SLC30A7: variants seen among roughly 807,000 people sequenced by gnomAD.
The protein encoded by SLC30A7 is zinc transporter 7.
SLC30A7 carries 35 observed loss-of-function variants against 46.0 expected under a neutral mutation model. The ratio of observed to expected loss-of-function variants is 0.76; its 90% CI spans 0.58 to 1.01. The LOEUF is 1.01. Ranked by LOEUF, SLC30A7 falls within the 50% of genes least tolerant of loss-of-function variation. The pLI is 0.00. For missense variants in SLC30A7, 464 were observed against 451.1 expected (o/e 1.03, Z -0.26); for synonymous variants, 147 against 157.8 (o/e 0.93, Z 0.51).
chr1:100,899,153 A>G (rs761089493), intron 2 of SLC30A7, among the ~76,000 whole-genome samples: 1 of 152,184 alleles, frequency 6.6e-6, no homozygotes, highest in Non-Finnish European at 1.5e-5. Context: ...GCTACCTTTC[A>G]CCTTCCCACT....
At chr1:100,898,446 T>C (rs1047480323) in intron 2 of SLC30A7, among the ~76,000 whole-genome samples, 23 of 152,194 alleles carry the variant, frequency 1.5e-4, no homozygotes, top group African/African-American at 5.3e-4. Context: ...TGCTTTTCTT[T>C]ACTAGTGCAG....
In SLC30A7 at chr1:100,941,118, A is replaced by G. The variant is rs1435661692; in HGVS notation, c.842+19277A>G. ...ATTTGCCTCCACCACCATAGGGGCC[A>G]GATCTTCTGCCACCAAAGTTTCCTT... On this transcript the variant is annotated intron_variant, in intron 8 of 10. Transcript: ENST00000357650. The G allele has an allele frequency of 2.2e-4, 73 of 333,026 alleles. 1 individual carries two copies. The highest frequency in any genetic ancestry group is 3.3e-4 in the Non-Finnish European group (57 of 172,054). 20.6% of individuals were successfully genotyped at this position (333,026 alleles called of 1,614,324 possible). A position where few individuals can be genotyped will look rare whatever the true frequency, so the allele number is the denominator to read the frequency against.
At chr1:100,942,026 C>A (rs1170451547) in intron 8 of SLC30A7, 4 of 219,378 alleles carry the variant, frequency 1.8e-5, no homozygotes, top group African/African-American at 9.2e-5. Context: ...TTTAACAATG[C>A]CTCCTTGACG....
At chr1:100,899,222 A>C (rs983331997) in intron 2 of SLC30A7, among the ~76,000 whole-genome samples, 6 of 152,222 alleles carry the variant, frequency 3.9e-5, no homozygotes, top group African/African-American at 1.2e-4. Flanking sequence ...ACTTCAGTAC[A>C]TAGCACATAG....
At chr1:100,969,595 G>A (rs534142703) in intron 10 of SLC30A7, among the ~76,000 whole-genome samples, 1 of 152,202 alleles carries the variant, frequency 6.6e-6, no homozygotes, top group Non-Finnish European at 1.5e-5. Flanking sequence ...TAAAATGGCT[G>A]AAATTGAAAG....
At chr1:100,916,729 A>G in intron 6 of SLC30A7, among the ~76,000 whole-genome samples, 1 of 59,062 alleles carries the variant, frequency 1.7e-5, no homozygotes, top group South Asian at 4.6e-4. Flanking sequence ...TTTTTTTTGT[A>G]CCCATTAACC....
In SLC30A7 at chr1:100,981,297, A is replaced by T. The variant is rs1342165012; in HGVS notation, c.*6440A>T. 1 of 152,124 alleles carries T rather than the reference A, an allele frequency of 6.6e-6. No individual in the cohort carries two copies. 9.4% of individuals were successfully genotyped at this position (152,124 alleles called of 1,614,324 possible). On this transcript the variant is annotated 3_prime_UTR_variant, in exon 11 of 11. Transcript: ENST00000357650. The stretch of plus-strand genomic sequence containing the variant: ...ATTCAGTGAAATTTTTTCCCAAGTG[A>T]TATTTTCCCCCAACTTTTGTGAGTT...
At chr1:100,897,150 G>A (rs1651021306) in intron 2 of SLC30A7, among the ~76,000 whole-genome samples, 2 of 152,146 alleles carry the variant, frequency 1.3e-5, no homozygotes, top group Admixed American at 1.3e-4. Context: ...GGAGGAATAT[G>A]TGTCATTCTC....
At chr1:100,960,000 C>T (rs963067005) in intron 8 of SLC30A7, among the ~76,000 whole-genome samples, 25 of 152,090 alleles carry the variant, frequency 1.6e-4, no homozygotes, top group African/African-American at 5.3e-4. Context: ...TATTAAATCA[C>T]GAGAACTTGG....
chr1:100,995,187 A>AAG, the SLC30A7 span: 2 of 1,446,394 alleles, frequency 1.4e-6, no homozygotes, highest in Non-Finnish European at 9.7e-7. Flanking sequence ...ATTTAATTAA[A>AAG]AGCTTTATCC....
chr1:100,897,016 C>T lies in SLC30A7; in HGVS notation c.182+345C>T, dbSNP rs571996323. On this transcript the variant is annotated intron_variant, in intron 2 of 10. Coordinates refer to ENST00000357650, the MANE Select transcript of SLC30A7 (RefSeq NM_133496.5). ...GTTGGAATTGGGAGAAACTTGTTTG[C>T]TGCCTCTCTCGGGGGGGAGTGGCAT... is the stretch of plus-strand genomic sequence containing the variant. Among the ~76,000 whole-genome samples, 4 of 151,920 alleles carry T rather than the reference C, an allele frequency of 2.6e-5. No homozygotes were observed. In the South Asian group the frequency reaches 8.4e-4, roughly 32 times the overall value.
At chr1:100,922,002 G>A (rs543858661) in intron 8 of SLC30A7, among the ~76,000 whole-genome samples, 161 bp downstream of exon 8, 1 of 141,960 alleles carries the variant, frequency 7.0e-6, no homozygotes, top group East Asian at 2.0e-4. Flanking sequence ...CACCCAGGCT[G>A]GAGTGCTGTG....
At chr1:100,933,712 C>T (rs948779413) in intron 8 of SLC30A7, among the ~76,000 whole-genome samples, 1 of 152,118 alleles carries the variant, frequency 6.6e-6, no homozygotes, top group Non-Finnish European at 1.5e-5. Context: ...TGGTGGTTTC[C>T]AGCTTCATCC....
At chr1:100,984,405 A>G (rs1657152459), downstream of SLC30A7, among the ~76,000 whole-genome samples, 1 of 152,196 alleles carries the variant, frequency 6.6e-6, no homozygotes, top group African/African-American at 2.4e-5. Context: ...GAAACCACGA[A>G]AGCAATCTCA....
rs559767446 is a variant in SLC30A7 at position 100,934,319 on chromosome 1, C to T, written c.842+12478C>T. Among the ~76,000 whole-genome samples the T allele has an allele frequency of 5.3e-5, 8 of 152,194 alleles. No individual in the cohort carries two copies. In the South Asian group the frequency reaches 1.0e-3, roughly 20 times the overall value. On this transcript the variant is annotated intron_variant, in intron 8 of 10. Coordinates refer to ENST00000357650, the MANE Select transcript of SLC30A7 (RefSeq NM_133496.5). ...AAAATAAGAATTCTCAGAATATGGC[C>T]TACTTCAAGGATATAGAGACAGGAA...
intron 6 of SLC30A7, among the ~76,000 whole-genome samples, chr1:100,916,330 C>A (rs544520081): frequency 1.3e-5 from 2 of 151,898 alleles, no homozygotes; most frequent in Non-Finnish European, 2.9e-5. Flanking sequence ...GGATTACAGG[C>A]GTGTGCCACC....
Position 100,896,205 on chromosome 1 carries a change from C to T in SLC30A7, c.-58C>T. 6.6e-7 allele frequency: 1 copy of T among 1,504,396 alleles called. No individual in the cohort carries two copies. Among genetic ancestry groups the T allele is most frequent in the Non-Finnish European group, 9.3e-7 (1 of 1,080,834 alleles). The allele number at this position is 1,504,396 out of a possible 1,614,324, so 93.2% of individuals were successfully genotyped here. On this transcript the variant is annotated 5_prime_UTR_variant, in exon 1 of 11. Transcript: ENST00000357650. The stretch of plus-strand genomic sequence containing the variant: ...GAGGCGTCACTACTGTCACTGCCAT[C>T]ACCCCACGGAGCCACTTCTAGAGGG...
intron 6 of SLC30A7, 50 bp downstream of exon 6, chr1:100,913,856 T>C: frequency 6.4e-7 from 1 of 1,569,574 alleles, no homozygotes; most frequent in Non-Finnish European, 8.6e-7. Flanking sequence ...AACAAGAGTT[T>C]TGTGGATTAC....
intron 6 of SLC30A7, among the ~76,000 whole-genome samples, chr1:100,914,232 A>G (rs913574307): frequency 6.6e-6 from 1 of 152,194 alleles, no homozygotes; most frequent in African/African-American, 2.4e-5. Context: ...TTATTTTAAA[A>G]TGTACAATGA....
Sources: gnomAD v4.1 joint callset for allele counts (sites outside exome capture counted in the v4.1 genomes callset) on GRCh38, gnomAD v4.1.1 for gene constraint, MANE v1.5 for transcripts, NCBI Gene and HGNC (gene_info 2026-07-23, HGNC 2026-07-21) for gene names.